PCDHGA1: variants seen among roughly 807,000 people sequenced by gnomAD.
PCDHGA1 encodes the protein protocadherin gamma-A1.
PCDHGA1 carries 32 observed loss-of-function variants against 58.0 expected under a neutral mutation model. That is an observed-to-expected ratio of 0.55 (90% CI 0.42 to 0.74). The LOEUF (loss-of-function observed/expected upper bound fraction) is 0.74. Ranked by LOEUF, PCDHGA1 falls within the 30% of genes least tolerant of loss-of-function variation. The probability of loss-of-function intolerance (pLI) is 0.00; values close to 1 mark genes in which losing one functional copy is unlikely to be tolerated. For missense variants in PCDHGA1, 1,205 were observed against 1,182.3 expected (o/e 1.02, Z -0.28); for synonymous variants, 498 against 501.1 (o/e 0.99, Z 0.08).
intron 1 of PCDHGA1, chr5:141,421,232 C>G (rs748347420): frequency 1.3e-6 from 2 of 1,590,370 alleles, no homozygotes; most frequent in Non-Finnish European, 1.7e-6. Context: ...CCTGCCATGG[C>G]GAATCGGCTA....
At chr5:141,420,412 T>A in intron 1 of PCDHGA1, 1 of 1,225,004 alleles carries the variant, frequency 8.2e-7, no homozygotes, top group Non-Finnish European at 1.1e-6. Flanking sequence ...TGGTTATCAT[T>A]ATTAAAACAA....
intron 1 of PCDHGA1, chr5:141,345,609 A>G: frequency 1.2e-6 from 2 of 1,614,150 alleles, no homozygotes; most frequent in Non-Finnish European, 1.7e-6. Context: ...CGAGCAATTT[A>G]GAGACTTAAA....
intron 1 of PCDHGA1, chr5:141,384,769 G>A (rs778610936): frequency 6.2e-7 from 1 of 1,613,914 alleles, no homozygotes; most frequent in Non-Finnish European, 8.5e-7. Context: ...GCTGTACACG[G>A]GCGAGGTGCG....
intron 2 of PCDHGA1, among the ~76,000 whole-genome samples, chr5:141,502,866 C>CTCTTTTTTT (rs1554188502): frequency 7.8e-6 from 1 of 128,046 alleles, no homozygotes; most frequent in African/African-American, 3.1e-5. Context: ...GACTCTCTGT[C>CTCTTTTTTT]TTTTTTTTTT....
chr5:141,487,499 G>A lies in PCDHGA1; in HGVS notation c.2422-7308G>A, dbSNP rs2099647158. On this transcript the variant is annotated intron_variant, in intron 1 of 3. Transcript: ENST00000517417. This position sits in a 1 kb window ranked among gnomAD's most constrained non-coding sequence, Gnocchi z 5.0. ...CCACTCTCATGGCTGTACACCCTTGGCTTCTGCACCCACTCGGAGTGATAG... is the reference window on the plus strand; with the variant it reads ...CCACTCTCATGGCTGTACACCCTTGACTTCTGCACCCACTCGGAGTGATAG... The A allele has an allele frequency of 3.1e-6, 5 of 1,614,152 alleles. No homozygotes were observed. The highest frequency in any genetic ancestry group is 2.2e-5 in the East Asian group (1 of 44,852).
intron 1 of PCDHGA1, chr5:141,414,324 T>G (rs2095735584): frequency 6.2e-7 from 1 of 1,613,758 alleles, no homozygotes; most frequent in South Asian, 1.1e-5. Context: ...CTGAGCAGAA[T>G]GGACAGGTAA....
rs922405350 is a variant in PCDHGA1, at chr5:141,512,227, T to C, written c.*1054T>C. 5 of 152,764 alleles carry C rather than the reference T, an allele frequency of 3.3e-5. No homozygotes were observed. The highest frequency in any genetic ancestry group is 1.2e-4 in the African/African-American group (5 of 41,552). 9.5% of individuals were successfully genotyped at this position (152,764 alleles called of 1,614,324 possible). On this transcript the variant is annotated 3_prime_UTR_variant, in exon 4 of 4. Transcript: ENST00000517417. ...AAGCAGGTTTAGGACCAGGTCCCCTTGAGAGGTCAGAGGGGCCTCTGTGGG... is the reference window on the plus strand; with the variant it reads ...AAGCAGGTTTAGGACCAGGTCCCCTCGAGAGGTCAGAGGGGCCTCTGTGGG...
intron 1 of PCDHGA1, among the ~76,000 whole-genome samples, chr5:141,336,366 A>T (rs779699775): frequency 6.6e-6 from 1 of 152,168 alleles, no homozygotes; most frequent in Non-Finnish European, 1.5e-5. Flanking sequence ...ACAAAAAAAC[A>T]CAAACACAAA....
At chr5:141,505,567 T>A in intron 3 of PCDHGA1, 86 bp downstream of exon 3, 2 of 1,599,440 alleles carry the variant, frequency 1.3e-6, no homozygotes, top group Non-Finnish European at 1.7e-6. Context: ...ACGGACTGGA[T>A]GTCAAACCTG....
At chr5:141,408,712 T>G in intron 1 of PCDHGA1, 1 of 1,612,332 alleles carries the variant, frequency 6.2e-7, no homozygotes, top group Non-Finnish European at 8.5e-7. Flanking sequence ...TTAAAGATTA[T>G]AAGATAAACT....
At chr5:141,411,954 A>T (rs563669924) in intron 1 of PCDHGA1, 1 of 152,382 alleles carries the variant, frequency 6.6e-6, no homozygotes, top group East Asian at 1.9e-4. Flanking sequence ...TTTTGAAGAA[A>T]AAAGATAAAA....
intron 1 of PCDHGA1, chr5:141,362,062 C>G (rs1392359513): frequency 6.2e-7 from 1 of 1,612,314 alleles, no homozygotes; most frequent in African/African-American, 1.3e-5. Context: ...CCAGCGCCTG[C>G]TGGTCGCTGT....
In PCDHGA1 at chr5:141,409,485, G is replaced by A. The variant is rs374642418; in HGVS notation, c.2421+76380G>A. On this transcript the variant is annotated intron_variant, in intron 1 of 3. Coordinates refer to ENST00000517417, the MANE Select transcript of PCDHGA1 (RefSeq NM_018912.3). ...GTCACCATCGTAGCCACTGACAGGG[G>A]CAAGCCGCCTCTTTCTTCCAGTAGA... 9.9e-6 allele frequency: 16 copies of A among 1,613,856 alleles called. No homozygotes were observed. Among genetic ancestry groups the A allele is most frequent in the African/African-American group, 9.3e-5 (7 of 74,934 alleles).
intron 1 of PCDHGA1, among the ~76,000 whole-genome samples, chr5:141,407,220 A>G (rs569421185): frequency 6.6e-6 from 1 of 152,342 alleles, no homozygotes; most frequent in East Asian, 1.9e-4. Context: ...TTAAGTGGGT[A>G]GCAAAAAAAA....
chr5:141,381,826 CTTTTTTT>C (rs770630741), intron 1 of PCDHGA1, among the ~76,000 whole-genome samples: 293 of 74,292 alleles, frequency 3.9e-3, no homozygotes, highest in Middle Eastern at 0.016. Context: ...CTTTCTTCTT[CTTTTTTT>C]TTTTTTTTTT....
intron 1 of PCDHGA1, among the ~76,000 whole-genome samples, chr5:141,401,908 T>C (rs942184637): frequency 1.3e-5 from 2 of 152,238 alleles, no homozygotes; most frequent in Admixed American, 1.3e-4. Flanking sequence ...CAAATTATTA[T>C]ATAAGTTTAA....
intron 1 of PCDHGA1, chr5:141,385,668 C>G (rs2090319612): frequency 2.3e-6 from 1 of 428,688 alleles, no homozygotes; most frequent in African/African-American, 2.1e-5. Flanking sequence ...AGGAATAAAA[C>G]ACACCTCAGC....
chr5:141,486,140 C>T lies in PCDHGA1; in HGVS notation c.2422-8667C>T, dbSNP rs759476505. On this transcript the variant is annotated intron_variant, in intron 1 of 3. Coordinates refer to ENST00000517417, the MANE Select transcript of PCDHGA1 (RefSeq NM_018912.3). The surrounding 1 kb of genome is among the most constrained non-coding windows in gnomAD (Gnocchi z 5.0). ...TTACTATGAATTTGATGTGCGGGCT[C>T]GCGATGGGGGTTCTCCAGCCATGGA... 1 of 1,614,164 alleles carries T rather than the reference C, an allele frequency of 6.2e-7. No individual in the cohort carries two copies. The highest frequency in any genetic ancestry group is 1.3e-5 in the African/African-American group (1 of 75,030).
rs1427052612 is a variant in PCDHGA1 at position 141,493,002 on chromosome 5, A to G, written c.2422-1805A>G. Among the ~76,000 whole-genome samples, 4 of 152,246 alleles carry G rather than the reference A, an allele frequency of 2.6e-5. No individual in the cohort carries two copies. The highest frequency in any genetic ancestry group is 2.1e-4 in the South Asian group (1 of 4,832). On this transcript the variant is annotated intron_variant, in intron 1 of 3. Transcript: ENST00000517417. This position sits in a 1 kb window ranked among gnomAD's most constrained non-coding sequence, Gnocchi z 4.3. ...TCTCCTCTGGCAGATGGAAAGCTAT[A>G]GGCTCTGCCAGATGCCAGGGTGCCC... is the stretch of plus-strand genomic sequence containing the variant.
Sources: gnomAD v4.1 joint callset for allele counts (sites outside exome capture counted in the v4.1 genomes callset) on GRCh38, gnomAD v4.1.1 for gene constraint, Gnocchi (gnomAD v3.1) non-coding constraint, MANE v1.5 for transcripts, NCBI Gene and HGNC (gene_info 2026-07-23, HGNC 2026-07-21) for gene names.